JADE2: variants seen among roughly 807,000 people sequenced by gnomAD.
The protein encoded by JADE2 is E3 ubiquitin-protein ligase Jade-2.
Under a neutral mutation model 85.7 loss-of-function variants are expected in JADE2, and 13 were observed. The ratio of observed to expected loss-of-function variants is 0.15; its 90% CI spans 0.10 to 0.24. The LOEUF (loss-of-function observed/expected upper bound fraction) is 0.24. Among genes scored for constraint, JADE2 ranks in the 10% least tolerant of loss-of-function variants. JADE2 has a pLI of 1.00. For missense variants in JADE2, 846 were observed against 1,115.9 expected (o/e 0.76, Z 3.45); for synonymous variants, 440 against 456.1 (o/e 0.96, Z 0.45).
chr5:134,577,937 A>T (rs534484748), intron 11 of JADE2, among the ~76,000 whole-genome samples: 1 of 152,078 alleles, frequency 6.6e-6, no homozygotes, highest in African/African-American at 2.4e-5. Flanking sequence ...AAGCGCTGGG[A>T]GGCAACGCTT....
chr5:134,553,551 C>A (rs13186030), intron 4 of JADE2, among the ~76,000 whole-genome samples: 89,124 of 151,840 alleles, frequency 0.59, 26,408 homozygotes, highest in Admixed American at 0.6. Flanking sequence ...GTGGGGTTTC[C>A]CCATGTTAGC....
chr5:134,569,840 GC>G (rs1763884364), intron 9 of JADE2, among the ~76,000 whole-genome samples: 1 of 152,108 alleles, frequency 6.6e-6, no homozygotes. Flanking sequence ...CAGACCTCTG[GC>G]TCTTCTGCCC....
At chr5:134,551,640 AGT>A (rs1762598930) in intron 3 of JADE2, among the ~76,000 whole-genome samples, 1 of 151,760 alleles carries the variant, frequency 6.6e-6, no homozygotes, top group African/African-American at 2.4e-5. Context: ...AGCCTCCCAA[AGT>A]GTTGGGATTA....
At chr5:134,539,775 C>A (rs1462706277) in intron 3 of JADE2, among the ~76,000 whole-genome samples, 2 of 152,240 alleles carry the variant, frequency 1.3e-5, no homozygotes, top group Non-Finnish European at 2.9e-5. Context: ...TGCTACCTCA[C>A]CACAGATGCA....
At chr5:134,527,243 G>A (rs565360188) in intron 1 of JADE2, among the ~76,000 whole-genome samples, 1 of 150,142 alleles carries the variant, frequency 6.7e-6, no homozygotes, top group South Asian at 2.1e-4. Flanking sequence ...ACTCGCCTGC[G>A]CCTGCGGAGC....
intron 3 of JADE2, among the ~76,000 whole-genome samples, chr5:134,547,879 A>G (rs1385944131): frequency 1.3e-5 from 2 of 152,202 alleles, no homozygotes; most frequent in Non-Finnish European, 2.9e-5. Flanking sequence ...TGGGGAAGAC[A>G]TGGCAAAAAA....
chr5:134,547,550 A>C (rs1040054169), intron 3 of JADE2, among the ~76,000 whole-genome samples: 2 of 152,234 alleles, frequency 1.3e-5, no homozygotes, highest in Non-Finnish European at 2.9e-5. Context: ...GTTTTCATAA[A>C]TCATTCAAAG....
chr5:134,533,740 T>C, intron 1 of JADE2: 2 of 50,600 alleles, frequency 4.0e-5, no homozygotes, highest in South Asian at 1.3e-3. Context: ...CTCTCTCTTT[T>C]TTTTTTTTTT....
At chr5:134,572,550 C>T (rs1764101050) in intron 9 of JADE2, among the ~76,000 whole-genome samples, 1 of 152,238 alleles carries the variant, frequency 6.6e-6, no homozygotes, top group African/African-American at 2.4e-5. Flanking sequence ...AGATGGAACC[C>T]AACGGGAAAC....
intron 2 of JADE2, among the ~76,000 whole-genome samples, chr5:134,537,388 C>A (rs999292968): frequency 6.6e-6 from 1 of 152,238 alleles, no homozygotes; most frequent in Non-Finnish European, 1.5e-5. Flanking sequence ...TGTGCTGAGA[C>A]TTTACAGGCA....
upstream of JADE2, chr5:134,525,647 G>A: frequency 8.6e-6 from 9 of 1,051,826 alleles, no homozygotes; most frequent in Non-Finnish European, 1.1e-5. Context: ...AGATCACAAG[G>A]AAGTCTTGGT....
rs755201957 is a variant in JADE2 at position 134,562,188 on chromosome 5, G to A, written c.685-12G>A. 2 of 1,599,468 alleles carry A rather than the reference G, an allele frequency of 1.3e-6. No individual in the cohort carries two copies. The highest frequency in any genetic ancestry group is 3.4e-5 in the Admixed American group (2 of 58,606). On this transcript the variant is annotated splice_polypyrimidine_tract_variant and intron_variant, in intron 6 of 11. Transcript: ENST00000681547. The surrounding 1 kb of genome is among the most constrained non-coding windows in gnomAD (Gnocchi z 4.6). ...AGTTCCGCTGACTCATGACCACCCTGCTCTCTCCTAGGCATGCTACGGGAT... is the reference window on the plus strand; with the variant it reads ...AGTTCCGCTGACTCATGACCACCCTACTCTCTCCTAGGCATGCTACGGGAT...
At position 134,562,586 on chromosome 5, in the gene JADE2, A is replaced by T. The variant is rs1038962717; in HGVS notation, c.852+219A>T. Among the ~76,000 whole-genome samples the T allele has an allele frequency of 6.6e-6, 1 of 152,170 alleles. No individual in the cohort carries two copies. Among genetic ancestry groups the T allele is most frequent in the Non-Finnish European group, 1.5e-5 (1 of 68,024 alleles). ...TCAGGCATTCAAGACCAGCCTGGCC[A>T]ACATAGCAAAACCCCCTCTCTACAA... On this transcript the variant is annotated intron_variant, in intron 7 of 11. Coordinates refer to ENST00000681547, the MANE Select transcript of JADE2 (RefSeq NM_001388185.1). The surrounding 1 kb of genome is among the most constrained non-coding windows in gnomAD (Gnocchi z 4.6).
chr5:134,531,883 CTTTTTTTTTTT>C lies in JADE2; in HGVS notation c.1-3955_1-3945del, dbSNP rs1160758941. Among the ~76,000 whole-genome samples, 209 of 38,486 alleles carry C rather than the reference CTTTTTTTTTTT, an allele frequency of 5.4e-3. 4 individuals carry two copies. The highest frequency in any genetic ancestry group is 0.016 in the African/African-American group (157 of 9,752). 25.2% of individuals were successfully genotyped at this position (38,486 alleles called of 152,430 possible). On this transcript the variant is annotated intron_variant, in intron 1 of 11. Transcript: ENST00000681547. ...TATAAGGATGAGCCACCGTGCCTGGCTTTTTTTTTTTTTTTTTTTTTTTTTTTTTTGAGACA... is the reference window on the plus strand; with the variant it reads ...TATAAGGATGAGCCACCGTGCCTGGCTTTTTTTTTTTTTTTTTTTGAGACA...
chr5:134,539,718 T>A (rs542640733), intron 3 of JADE2, among the ~76,000 whole-genome samples: 1 of 152,346 alleles, frequency 6.6e-6, no homozygotes, highest in East Asian at 1.9e-4. Flanking sequence ...GGGGCCCTCG[T>A]CATGGGTTGG....
rs531165884 is a variant in JADE2 at position 134,581,511 on chromosome 5, C to T, written c.*2194C>T. ...AGTCTCAGCACTTGGCCCCTTGCCC[C>T]TTCACACCATCCTGGGGCAGGGGCT... On this transcript the variant is annotated 3_prime_UTR_variant, in exon 12 of 12. Transcript: ENST00000681547. The T allele has an allele frequency of 3.3e-5, 5 of 152,614 alleles. No homozygotes were observed. The East Asian group carries it at 9.6e-4, about 29-fold the overall frequency. 9.5% of individuals were successfully genotyped at this position (152,614 alleles called of 1,614,324 possible).
chr5:134,552,239 A>G (rs1230933621), intron 4 of JADE2, 30 bp downstream of exon 4: 3 of 1,601,992 alleles, frequency 1.9e-6, no homozygotes, highest in Non-Finnish European at 1.7e-6. Context: ...CTAGGGGGCC[A>G]TTGGGACAGG....
chr5:134,559,850 GC>G lies in JADE2; in HGVS notation c.338del (p.Pro113LeufsTer53). 1.2e-6 allele frequency: 2 copies of G among 1,610,202 alleles called. No individual in the cohort carries two copies. Among genetic ancestry groups the G allele is most frequent in the Non-Finnish European group, 1.7e-6 (2 of 1,178,490 alleles). On this transcript the variant is annotated frameshift_variant, in exon 5 of 12. Transcript: ENST00000681547. LOFTEE classifies it high-confidence loss of function. ...TCTAGGATCCTCCCACCACTGGAAGGCCCCCCTGCCCAGGCATCCCCGAGCA... is the reference window on the plus strand; with the variant it reads ...TCTAGGATCCTCCCACCACTGGAAGGCCCCCTGCCCAGGCATCCCCGAGCA... ...PVVRILPPLE[G>X]PPAQASPSST... is the part of the protein sequence containing the mutation.
Position 134,525,739 on chromosome 5 carries a change from G to C in JADE2, c.-273G>C, listed in dbSNP as rs756482588. 21 of 1,232,154 alleles carry C rather than the reference G, an allele frequency of 1.7e-5. No homozygotes were observed. The South Asian group carries it at 2.0e-4, about 12-fold the overall frequency. The allele number at this position is 1,232,154 out of a possible 1,614,324, so 76.3% of individuals were successfully genotyped here. ...TCGCAGTTGGAGGCTATTTTTTGGGGGGGGTGAGTAGCGTCCATGGAGTTA... is the reference window on the plus strand; with the variant it reads ...TCGCAGTTGGAGGCTATTTTTTGGGCGGGGTGAGTAGCGTCCATGGAGTTA... On this transcript the variant is annotated 5_prime_UTR_variant, in exon 1 of 12. Transcript: ENST00000681547.
Sources: allele counts gnomAD v4.1 joint callset (sites outside exome capture counted in the v4.1 genomes callset), GRCh38; gene constraint gnomAD v4.1.1; non-coding constraint Gnocchi (gnomAD v3.1); transcripts MANE v1.5; gene names NCBI Gene and HGNC (gene_info 2026-07-23, HGNC 2026-07-21).